GPHN: variants seen among roughly 807,000 people sequenced by gnomAD.
GPHN encodes the protein gephyrin.
Under a neutral mutation model 95.5 loss-of-function variants are expected in GPHN, and 17 were observed. That is an observed-to-expected ratio of 0.18 (90% CI 0.12 to 0.27). The LOEUF is 0.27. Among genes scored for constraint, GPHN ranks in the 10% least tolerant of loss-of-function variants. The pLI, the probability that GPHN is intolerant of heterozygous loss-of-function variation, is 1.00. For missense variants in GPHN, 660 were observed against 978.1 expected, an observed-to-expected ratio of 0.67 and a Z score of 4.34; for synonymous variants, 320 against 322.5, an observed-to-expected ratio of 0.99 and a Z score of 0.08.
At chr14:67,300,965 T>C in the GPHN span, among the ~76,000 whole-genome samples, 2 of 152,146 alleles carry the variant, frequency 1.3e-5, no homozygotes, top group Non-Finnish European at 2.9e-5. Flanking sequence ...GTGCTGGGAT[T>C]ACAGGTGTGA....
At chr14:66,587,437 C>G (rs1015133965) in intron 1 of GPHN, among the ~76,000 whole-genome samples, 2 of 152,104 alleles carry the variant, frequency 1.3e-5, no homozygotes, top group African/African-American at 4.8e-5. Context: ...GAAAAAATTA[C>G]CAGCCAATAT....
the GPHN span, among the ~76,000 whole-genome samples, chr14:67,225,968 CGCGCGCGTGCGCAT>C: frequency 2.1e-3 from 164 of 78,922 alleles, no homozygotes; most frequent in African/African-American, 6.3e-3. Context: ...TGTGTGCGCG[CGCGCGCGTGCGCAT>C]GCGCGTGCAT....
At chr14:66,813,935 C>G (rs72728673) in intron 3 of GPHN, among the ~76,000 whole-genome samples, 2 of 152,110 alleles carry the variant, frequency 1.3e-5, no homozygotes, top group Non-Finnish European at 2.9e-5. Context: ...TAGAGAGTTT[C>G]GATGAGGCAT....
chr14:66,787,858 T>TTTTATATATATATATATATATATATA (rs553261342), intron 3 of GPHN, among the ~76,000 whole-genome samples: 494 of 150,548 alleles, frequency 3.3e-3, no homozygotes, highest in Non-Finnish European at 5.9e-3. Flanking sequence ...ATAAAAAGTA[T>TTTTATATATATATATATATATATATA]TATATATATA....
intron 17 of GPHN, among the ~76,000 whole-genome samples, chr14:67,131,459 C>T (rs962469251): frequency 2.0e-5 from 3 of 152,134 alleles, no homozygotes; most frequent in African/African-American, 7.2e-5. Flanking sequence ...AACCTAGAAA[C>T]TTTCAATTAT....
At chr14:67,575,906 T>C in the GPHN span, 1 of 1,613,904 alleles carries the variant, frequency 6.2e-7, no homozygotes, top group Non-Finnish European at 8.5e-7. Flanking sequence ...ACTATGAGGC[T>C]GGAGGAACCA....
the GPHN span, among the ~76,000 whole-genome samples, chr14:67,462,682 G>A: frequency 2.0e-5 from 3 of 152,192 alleles, no homozygotes; most frequent in East Asian, 1.9e-4. Context: ...GGGGCACCTC[G>A]TGGAGTCAAA....
At chr14:66,985,056 T>C (rs1440910117) in intron 9 of GPHN, among the ~76,000 whole-genome samples, 2 of 152,174 alleles carry the variant, frequency 1.3e-5, no homozygotes, top group African/African-American at 4.8e-5. Flanking sequence ...AAGAGGAAAA[T>C]TCAGCTAAAA....
At chr14:67,118,683 G>A (rs965920982) in intron 16 of GPHN, among the ~76,000 whole-genome samples, 1 of 151,624 alleles carries the variant, frequency 6.6e-6, no homozygotes, top group African/African-American at 2.4e-5. Context: ...AGCCGAGATC[G>A]CATCACTGCA....
At chr14:66,675,146 G>GTTTTT (rs60014934) in intron 1 of GPHN, among the ~76,000 whole-genome samples, 2,560 of 135,380 alleles carry the variant, frequency 0.019, 39 homozygotes, top group Non-Finnish European at 0.028. Context: ...TCTTTTTCCA[G>GTTTTT]TTTTTTTTTT....
the GPHN span, chr14:67,382,316 T>G: frequency 1.4e-6 from 1 of 711,028 alleles, no homozygotes; most frequent in Non-Finnish European, 2.2e-6. Context: ...CCTAAATTAC[T>G]GTCCTGTAGA....
chr14:66,998,833 A>T (rs2071996624), intron 9 of GPHN, among the ~76,000 whole-genome samples: 1 of 150,104 alleles, frequency 6.7e-6, no homozygotes, highest in Non-Finnish European at 1.5e-5. Flanking sequence ...GCTGGCTGAT[A>T]CTATTTAGCA....
the GPHN span, among the ~76,000 whole-genome samples, chr14:67,469,658 G>A: frequency 2.6e-5 from 4 of 152,014 alleles, no homozygotes; most frequent in South Asian, 8.3e-4. Flanking sequence ...GGTGGTGGTG[G>A]TGGTGGTGGT....
At chr14:67,045,073 G>T (rs988529103) in intron 10 of GPHN, among the ~76,000 whole-genome samples, 1 of 152,100 alleles carries the variant, frequency 6.6e-6, no homozygotes, top group Non-Finnish European at 1.5e-5. Context: ...TAAAATCTGG[G>T]TTTGCTTCTC....
At chr14:67,372,887 A>T in the GPHN span, among the ~76,000 whole-genome samples, 1 of 152,310 alleles carries the variant, frequency 6.6e-6, no homozygotes, top group Middle Eastern at 3.4e-3. Context: ...TTTTTAAAGG[A>T]GCGAAAGTTT....
chr14:66,719,184 G>C (rs2070488979), intron 2 of GPHN, among the ~76,000 whole-genome samples: 1 of 152,176 alleles, frequency 6.6e-6, no homozygotes, highest in African/African-American at 2.4e-5. Context: ...TTGTTACCAA[G>C]ATCAGCTGGA....
At chr14:67,696,754 G>C in the GPHN span, among the ~76,000 whole-genome samples, 49 of 152,268 alleles carry the variant, frequency 3.2e-4, no homozygotes, top group African/African-American at 1.1e-3. Flanking sequence ...CCTATTTCCT[G>C]GGGGTGAAAG....
the GPHN span, chr14:67,722,472 A>G: frequency 1.4e-6 from 1 of 724,080 alleles, no homozygotes; most frequent in Non-Finnish European, 2.5e-6. Context: ...GGATTTAAAT[A>G]GGATTCTGGG....
At chr14:66,694,052 T>C (rs2067958559) in intron 2 of GPHN, among the ~76,000 whole-genome samples, 1 of 152,114 alleles carries the variant, frequency 6.6e-6, no homozygotes, top group East Asian at 1.9e-4. Context: ...CATATAAATA[T>C]AGTTGCTGTG....
Sources: gnomAD v4.1 joint callset for allele counts (sites outside exome capture counted in the v4.1 genomes callset) on GRCh38, gnomAD v4.1.1 for gene constraint, MANE v1.5 for transcripts, NCBI Gene and HGNC (gene_info 2026-07-23, HGNC 2026-07-21) for gene names.